ULK4: variants seen among roughly 807,000 people sequenced by gnomAD.
ULK4 encodes inactive serine/threonine-protein kinase ULK4.
In ULK4, 133 loss-of-function variants were observed where a neutral mutation model predicts 160.6. The observed-to-expected ratio is 0.83, with a 90% confidence interval of 0.72 to 0.96. The LOEUF is 0.96. Among genes scored for constraint, ULK4 ranks in the 40% least tolerant of loss-of-function variants. ULK4 has a pLI of 0.00. For missense variants in ULK4, 1,580 were observed against 1,499.5 expected (o/e 1.05, Z -0.89); for synonymous variants, 534 against 539.8 (o/e 0.99, Z 0.15).
intron 31 of ULK4, among the ~76,000 whole-genome samples, chr3:41,613,551 AC>A (rs1488220215): frequency 1.3e-5 from 2 of 152,190 alleles, no homozygotes; most frequent in Non-Finnish European, 2.9e-5. Flanking sequence ...AATCAAGAAA[AC>A]ACTGTATTAT....
chr3:41,653,178 G>A lies in ULK4; in HGVS notation c.3071+10429C>T, dbSNP rs577681112. 4.5e-4 allele frequency among the ~76,000 whole-genome samples: 69 copies of A among 152,198 alleles called. 1 individual carries two copies. In the South Asian group the frequency reaches 0.014, roughly 31 times the overall value. ...TACCCACAACCACCTCCGTTACTGA[G>A]CTCTTAACACTGCAGGCCAATATTC... On this transcript the variant is annotated intron_variant, in intron 30 of 36. Coordinates refer to ENST00000301831, the MANE Select transcript of ULK4 (RefSeq NM_017886.4).
chr3:41,708,017 G>A (rs2036963992), intron 25 of ULK4, among the ~76,000 whole-genome samples: 1 of 151,662 alleles, frequency 6.6e-6, no homozygotes, highest in Admixed American at 6.6e-5. Context: ...AGATAACAAG[G>A]ACCAGTGAGG....
chr3:41,839,560 GTATA>G (rs898246976), intron 17 of ULK4, among the ~76,000 whole-genome samples: 1 of 151,184 alleles, frequency 6.6e-6, no homozygotes, highest in Non-Finnish European at 1.5e-5. Context: ...ACGAACAACT[GTATA>G]TATATAAATT....
At chr3:41,946,290 A>G (rs1220571452) in intron 2 of ULK4, among the ~76,000 whole-genome samples, 1 of 152,216 alleles carries the variant, frequency 6.6e-6, no homozygotes, top group African/African-American at 2.4e-5. Flanking sequence ...GTGACACAAA[A>G]AAGTACATAC....
At chr3:41,846,806 CAAAA>C (rs35308076) in intron 17 of ULK4, among the ~76,000 whole-genome samples, 1 of 99,020 alleles carries the variant, frequency 1.0e-5, no homozygotes, top group Non-Finnish European at 2.3e-5. Context: ...CTCTCTCTCT[CAAAA>C]AAAAAAAAAA....
intron 35 of ULK4, among the ~76,000 whole-genome samples, chr3:41,266,120 C>T (rs1487715839): frequency 2.6e-5 from 4 of 152,224 alleles, no homozygotes; most frequent in Non-Finnish European, 4.4e-5. Flanking sequence ...CCCGGATATT[C>T]CTCTCTAAAA....
Position 41,314,247 on chromosome 3 carries a change from T to A in ULK4, c.3679-64673A>T, listed in dbSNP as rs532971781. ...ATATTTATGGGGTATAAGTGCAGAT[T>A]TCTTACATGCATATATTGTGCAGTG... is the stretch of plus-strand genomic sequence containing the variant. On this transcript the variant is annotated intron_variant, in intron 35 of 36. Transcript: ENST00000301831. 7.2e-5 allele frequency among the ~76,000 whole-genome samples: 11 copies of A among 152,360 alleles called. No individual in the cohort carries two copies. In the South Asian group the frequency reaches 2.3e-3, roughly 32 times the overall value.
intron 2 of ULK4, among the ~76,000 whole-genome samples, chr3:41,941,999 C>T (rs982651835): frequency 6.6e-6 from 1 of 152,054 alleles, no homozygotes; most frequent in East Asian, 1.9e-4. Flanking sequence ...GCCTACTCTT[C>T]CAAATGCTGG....
chr3:41,357,953 A>G (rs1018929181), intron 35 of ULK4, among the ~76,000 whole-genome samples: 20 of 152,202 alleles, frequency 1.3e-4, no homozygotes, highest in Non-Finnish European at 2.8e-4. Flanking sequence ...ATAAAAAGAG[A>G]AAACTATTAG....
At chr3:41,814,853 T>C (rs2040918162) in intron 19 of ULK4, among the ~76,000 whole-genome samples, 1 of 152,054 alleles carries the variant, frequency 6.6e-6, no homozygotes, top group South Asian at 2.1e-4. Context: ...TTTCAGTCTT[T>C]CTATAACTTT....
chr3:41,436,493 A>G (rs549870852), intron 34 of ULK4, among the ~76,000 whole-genome samples: 68 of 152,308 alleles, frequency 4.5e-4, no homozygotes, highest in African/African-American at 1.5e-3. Flanking sequence ...GAATTTTTAA[A>G]TGATTGAGTT....
Position 41,506,767 on chromosome 3 carries a change from A to AAAAAAAAAAAAAAAAAAAAAAAAAAAT in ULK4, c.3227-43515_3227-43514insATTTTTTTTTTTTTTTTTTTTTTTTTT. ...AGCAATACACTGGAGTGTGATTTAA[A>AAAAAAAAAAAAAAAAAAAAAAAAAAAT]ATATATATATATATATATATATATA... On this transcript the variant is annotated intron_variant, in intron 32 of 36. Transcript: ENST00000301831. Among the ~76,000 whole-genome samples the AAAAAAAAAAAAAAAAAAAAAAAAAAAT allele has an allele frequency of 7.9e-4, 45 of 56,788 alleles. 3 individuals carry two copies. The highest frequency in any genetic ancestry group is 1.1e-3 in the Non-Finnish European group (35 of 31,980). 37.3% of individuals were successfully genotyped at this position (56,788 alleles called of 152,430 possible). A position where few individuals can be genotyped will look rare whatever the true frequency, so the allele number is the denominator to read the frequency against.
At chr3:41,409,685 G>C (rs1012304645) in intron 34 of ULK4, among the ~76,000 whole-genome samples, 1 of 151,996 alleles carries the variant, frequency 6.6e-6, no homozygotes, top group Non-Finnish European at 1.5e-5. Flanking sequence ...AAAGTGGCTC[G>C]CACCTGTAAT....
Position 41,371,491 on chromosome 3 carries a change from A to G in ULK4, c.3678+26588T>C, listed in dbSNP as rs1456303509. Among the ~76,000 whole-genome samples the G allele has an allele frequency of 2.0e-5, 3 of 152,180 alleles. No homozygotes were observed. The East Asian group carries it at 5.8e-4, about 29-fold the overall frequency. On this transcript the variant is annotated intron_variant, in intron 35 of 36. Transcript: ENST00000301831. The stretch of plus-strand genomic sequence containing the variant: ...CTGTTCTGCAGCCTCTGCTGGTGAT[A>G]CCCAGGCAAACAGGGTCTGAAGTGG...
At chr3:41,604,129 A>G (rs2032253686) in intron 31 of ULK4, among the ~76,000 whole-genome samples, 1 of 152,122 alleles carries the variant, frequency 6.6e-6, no homozygotes, top group East Asian at 1.9e-4. Flanking sequence ...AGGAGAGGTA[A>G]TAGTAAAAGC....
chr3:41,625,707 A>C (rs1198569583), intron 30 of ULK4, among the ~76,000 whole-genome samples: 3 of 152,214 alleles, frequency 2.0e-5, no homozygotes, highest in African/African-American at 4.8e-5. Context: ...ACCATGACTT[A>C]AATCATCTGT....
rs1465369933 is a variant in ULK4, at chr3:41,443,467, T to C, written c.3492+12030A>G. On this transcript the variant is annotated intron_variant, in intron 34 of 36. Transcript: ENST00000301831. Reference sequence around the variant, plus strand: ...CATAGTAAGCAAATGCTGACAGACTTTGAATAAGTGAAATGACTAGTCACT... The same window carrying C: ...CATAGTAAGCAAATGCTGACAGACTCTGAATAAGTGAAATGACTAGTCACT... 2.8e-4 allele frequency among the ~76,000 whole-genome samples: 42 copies of C among 152,140 alleles called. 1 individual carries two copies. Among genetic ancestry groups the C allele is most frequent in the African/African-American group, 2.4e-5 (1 of 41,428 alleles).
chr3:41,279,040 A>G (rs1307794131), intron 35 of ULK4, among the ~76,000 whole-genome samples: 1 of 152,134 alleles, frequency 6.6e-6, no homozygotes, highest in Non-Finnish European at 1.5e-5. Flanking sequence ...CAAGGAAGCT[A>G]AAAACCTTGA....
chr3:41,249,458 C>T (rs1265075290), intron 36 of ULK4, 31 bp downstream of exon 36: 2 of 1,597,730 alleles, frequency 1.3e-6, no homozygotes, highest in South Asian at 1.1e-5. Context: ...TGATCTAGAG[C>T]AGACTGCTGA....
Sources: allele counts gnomAD v4.1 joint callset (sites outside exome capture counted in the v4.1 genomes callset), GRCh38; gene constraint gnomAD v4.1.1; transcripts MANE v1.5; gene names NCBI Gene and HGNC (gene_info 2026-07-23, HGNC 2026-07-21).